Variants in MACF1 observed in about 807,000 individuals in gnomAD.
MACF1 encodes the protein microtubule actin crosslinking factor 1, also known as microtubule-actin cross-linking factor 1.
A neutral mutation model predicts 854.8 loss-of-function variants in MACF1; 193 were observed. That is an observed-to-expected ratio of 0.23 (90% CI 0.20 to 0.25). MACF1 has a LOEUF of 0.25. MACF1 is among the 10% of genes least tolerant of loss of function. The probability of loss-of-function intolerance (pLI) is 1.00; values close to 1 mark genes in which losing one functional copy is unlikely to be tolerated. For missense variants in MACF1, 7,722 were observed against 8,929.1 expected (o/e 0.86, Z 5.45); for synonymous variants, 3,185 against 3,226.7 (o/e 0.99, Z 0.44).
At chr1:39,297,895 G>A (rs1645957877) in intron 21 of MACF1, 150 bp downstream of exon 21, 1 of 877,176 alleles carries the variant, frequency 1.1e-6, no homozygotes, top group South Asian at 2.2e-5. Flanking sequence ...AATCGATGTT[G>A]TTCTGTCTCT....
intron 26 of MACF1, among the ~76,000 whole-genome samples, chr1:39,312,480 C>CT (rs1329892089): frequency 2.6e-5 from 4 of 152,008 alleles, no homozygotes; most frequent in African/African-American, 9.7e-5. Flanking sequence ...CTTCAAAAAA[C>CT]AAGGGCAGCC....
In MACF1 at chr1:39,251,937, A is replaced by T; in HGVS notation, c.353A>T (p.Asp118Val). Residue 118 changes from aspartate (D) to valine (V), a missense_variant, in exon 4 of 101, where the codon GAT becomes GTT. By Grantham distance (152) the Asp-to-Val change is radical. Transcript: ENST00000564288. ...NEEQAEEDDDDVPREKGRMRF... is the reference protein window; with the variant it reads ...NEEQAEEDDDVVPREKGRMRF... Reference sequence around the variant, plus strand: ...GAGCAGGCGGAGGAAGATGATGATGATGTAGTAGGTCCTCCTGGGGATGCC... The same window carrying T: ...GAGCAGGCGGAGGAAGATGATGATGTTGTAGTAGGTCCTCCTGGGGATGCC... 1 of 1,509,286 alleles carries T rather than the reference A, an allele frequency of 6.6e-7. No homozygotes were observed. The highest frequency in any genetic ancestry group is 8.8e-7 in the Non-Finnish European group (1 of 1,133,704). 93.5% of individuals were successfully genotyped at this position (1,509,286 alleles called of 1,614,324 possible).
In MACF1 at chr1:39,217,297, C is replaced by T. The variant is rs150954015; in HGVS notation, c.109+12166C>T. 9.1e-3 allele frequency among the ~76,000 whole-genome samples: 1,295 copies of T among 141,738 alleles called. 13 individuals carry two copies. Among genetic ancestry groups the T allele is most frequent in the Middle Eastern group, 0.017 (5 of 286 alleles). 93.0% of individuals were successfully genotyped at this position (141,738 alleles called of 152,430 possible). On this transcript the variant is annotated intron_variant, in intron 1 of 100. Coordinates refer to ENST00000564288, the MANE Select transcript of MACF1 (RefSeq NM_001394062.1). ...ATTTTATTTTATTTTATTTTAGAGA[C>T]GGAGTCTTACTCTGTTGCTCAGGCT...
At position 39,422,207 on chromosome 1, in the gene MACF1, A is replaced by G. The variant is rs537133682; in HGVS notation, c.15817-167A>G. 1.1e-4 allele frequency among the ~76,000 whole-genome samples: 17 copies of G among 152,356 alleles called. No individual in the cohort carries two copies. The East Asian group carries it at 3.3e-3, about 29-fold the overall frequency. The stretch of plus-strand genomic sequence containing the variant: ...TCCATAGGAGAATGTATTGAAATAC[A>G]AAACCACATGTTTTCTTGATGCTTC... On this transcript the variant is annotated intron_variant, in intron 58 of 100. Transcript: ENST00000564288.
chr1:39,347,842 AAAAC>A (rs139820494), intron 41 of MACF1, among the ~76,000 whole-genome samples: 6,122 of 152,182 alleles, frequency 0.04, 325 homozygotes, highest in African/African-American at 0.12. Context: ...GGATGATACT[AAAAC>A]AAACAAACAA....
At position 39,454,794 on chromosome 1, in the gene MACF1, T is replaced by G. The variant is rs112281324; in HGVS notation, c.20887-115T>G. On this transcript the variant is annotated intron_variant, in intron 88 of 100. Transcript: ENST00000564288. ...CAGTGTGGGTGACAGAGCGAGAGTC[T>G]GTCTCCAAAAAAATAAAATAAAAAG... The G allele has an allele frequency of 1.3e-4, 116 of 915,846 alleles. No homozygotes were observed. In the African/African-American group the frequency reaches 1.4e-3, roughly 11 times the overall value. 56.7% of individuals were successfully genotyped at this position (915,846 alleles called of 1,614,324 possible). A position where few individuals can be genotyped will look rare whatever the true frequency, so the allele number is the denominator to read the frequency against.
chr1:39,377,081 G>A (rs1649786131), intron 52 of MACF1, among the ~76,000 whole-genome samples: 1 of 151,922 alleles, frequency 6.6e-6, no homozygotes, highest in Non-Finnish European at 1.5e-5. Flanking sequence ...CACCATCTTG[G>A]CTCACTGCAA....
intron 99 of MACF1, among the ~76,000 whole-genome samples, chr1:39,483,555 T>TC (rs1466361553): frequency 3.3e-5 from 5 of 152,150 alleles, no homozygotes. Flanking sequence ...GCAAGGAAGC[T>TC]AGTGTGGCTG....
At chr1:39,480,659 T>A (rs1182119917) in intron 98 of MACF1, among the ~76,000 whole-genome samples, 1 of 146,890 alleles carries the variant, frequency 6.8e-6, no homozygotes, top group Non-Finnish European at 1.5e-5. Flanking sequence ...AAAAAAAAAA[T>A]AAGGAAAAAG....
chr1:39,152,083 T>C (rs767983859), intron 2 of MACF1, among the ~76,000 whole-genome samples: 3 of 152,164 alleles, frequency 2.0e-5, no homozygotes, highest in Non-Finnish European at 4.4e-5. Flanking sequence ...CAAGCGATTC[T>C]CCTGCCTCAG....
intron 94 of MACF1, 90 bp downstream of exon 94, chr1:39,463,776 G>C: frequency 8.7e-7 from 1 of 1,147,098 alleles, no homozygotes; most frequent in Non-Finnish European, 1.3e-6. Context: ...GAGGCCCAGA[G>C]CCCATCGGAC....
At chr1:39,410,807 A>G in intron 58 of MACF1, 1 of 1,614,016 alleles carries the variant, frequency 6.2e-7, no homozygotes, top group Non-Finnish European at 8.5e-7. Flanking sequence ...AGTTCTGGTC[A>G]TTTGGACCAC....
intron 47 of MACF1, among the ~76,000 whole-genome samples, 173 bp downstream of exon 47, chr1:39,359,437 A>C (rs1462945086): frequency 6.6e-6 from 1 of 152,200 alleles, no homozygotes; most frequent in Non-Finnish European, 1.5e-5. Context: ...AATGAACTTT[A>C]TTCTTGCACC....
At chr1:39,406,805 A>C (rs965036068) in intron 58 of MACF1, among the ~76,000 whole-genome samples, 2 of 151,268 alleles carry the variant, frequency 1.3e-5, no homozygotes, top group Non-Finnish European at 2.9e-5. Context: ...CAGAGCCAGA[A>C]TTCCTCAGAT....
At chr1:39,164,100 A>T (rs1643859899) in intron 2 of MACF1, among the ~76,000 whole-genome samples, 1 of 152,144 alleles carries the variant, frequency 6.6e-6, no homozygotes, top group African/African-American at 2.4e-5. Flanking sequence ...AGTTTTATGG[A>T]ATTCCATCAA....
chr1:39,477,072 T>TACTCACAC (rs1553457844), intron 97 of MACF1, among the ~76,000 whole-genome samples: 1 of 54,118 alleles, frequency 1.8e-5, no homozygotes, highest in African/African-American at 9.7e-5. Context: ...TATATATATA[T>TACTCACAC]ATATATATAT....
At chr1:39,305,805 A>C (rs1042329881) in intron 23 of MACF1, among the ~76,000 whole-genome samples, 2 of 152,160 alleles carry the variant, frequency 1.3e-5, no homozygotes, top group African/African-American at 4.8e-5. Context: ...TTCTTGCCTC[A>C]GGGCCTTTGG....
rs546281904 is a variant in MACF1 at position 39,475,300 on chromosome 1, C to T, written c.21959-4498C>T. Among the ~76,000 whole-genome samples the T allele has an allele frequency of 1.2e-4, 18 of 152,088 alleles. No homozygotes were observed. The East Asian group carries it at 3.5e-3, about 29-fold the overall frequency. On this transcript the variant is annotated intron_variant, in intron 97 of 100. Transcript: ENST00000564288. ...GACAACAGATTTTCATTTAGAAATT[C>T]ATTCTGCAAAATACAAAAATTAGCC...
chr1:39,200,863 C>T (rs868525098), upstream of MACF1, among the ~76,000 whole-genome samples: 1 of 151,962 alleles, frequency 6.6e-6, no homozygotes, highest in Non-Finnish European at 1.5e-5. Flanking sequence ...TCACATGAGG[C>T]CAGGAGTTTG....
Sources: allele counts gnomAD v4.1 joint callset (sites outside exome capture counted in the v4.1 genomes callset), GRCh38; gene constraint gnomAD v4.1.1; transcripts MANE v1.5; gene names NCBI Gene and HGNC (gene_info 2026-07-23, HGNC 2026-07-21).